SGCZ: variants seen among roughly 807,000 people sequenced by gnomAD.
SGCZ encodes zeta-sarcoglycan.
Under a neutral mutation model 41.3 loss-of-function variants are expected in SGCZ, and 40 were observed. The observed-to-expected ratio is 0.97, with a 90% confidence interval of 0.75 to 1.26. The LOEUF is 1.26. SGCZ is among the 50% of genes most tolerant of loss of function. The probability of loss-of-function intolerance (pLI) is 0.00; values close to 1 mark genes in which losing one functional copy is unlikely to be tolerated. For synonymous variants in SGCZ, 206 were observed against 137.5 expected (o/e 1.50, Z -3.49); for missense variants, 552 against 369.8 (o/e 1.49, Z -4.04).
At chr8:14,892,340 A>G (rs1013539718) in intron 1 of SGCZ, among the ~76,000 whole-genome samples, 4 of 152,162 alleles carry the variant, frequency 2.6e-5, no homozygotes, top group Admixed American at 6.6e-5. Flanking sequence ...CAAAAGCGTG[A>G]TGCTCATATG....
chr8:14,474,205 C>G (rs368754002), intron 2 of SGCZ, among the ~76,000 whole-genome samples: 6 of 152,282 alleles, frequency 3.9e-5, no homozygotes, highest in South Asian at 4.1e-4. Flanking sequence ...AACTGATGTA[C>G]TAAAGATACT....
At chr8:15,020,713 G>A (rs778508122) in intron 1 of SGCZ, among the ~76,000 whole-genome samples, 1 of 152,042 alleles carries the variant, frequency 6.6e-6, no homozygotes, top group Non-Finnish European at 1.5e-5. Flanking sequence ...TTGCATTATG[G>A]TCAGTACTTC....
Position 14,138,405 on chromosome 8 carries a change from G to C in SGCZ, c.547+26175C>G, listed in dbSNP as rs188813447. Among the ~76,000 whole-genome samples the C allele has an allele frequency of 2.0e-5, 3 of 152,012 alleles. No homozygotes were observed. The East Asian group carries it at 5.8e-4, about 29-fold the overall frequency. On this transcript the variant is annotated intron_variant, in intron 5 of 7. Coordinates refer to ENST00000382080, the MANE Select transcript of SGCZ (RefSeq NM_139167.4). ...CAAAGATTGTCAAACTGGATAAAGA[G>C]TCAAGACCCATCAGTGTGCTGTATT...
At chr8:14,325,583 T>C (rs1164825869) in intron 2 of SGCZ, among the ~76,000 whole-genome samples, 1 of 146,786 alleles carries the variant, frequency 6.8e-6, no homozygotes, top group Admixed American at 6.8e-5. Context: ...TAATAGATCA[T>C]ATATAATCAC....
At chr8:14,105,801 C>T (rs1443347722) in intron 6 of SGCZ, among the ~76,000 whole-genome samples, 1 of 151,906 alleles carries the variant, frequency 6.6e-6, no homozygotes, top group Admixed American at 6.6e-5. Context: ...AATATGTCAG[C>T]AAGATAATTA....
intron 3 of SGCZ, among the ~76,000 whole-genome samples, chr8:14,248,929 A>T (rs1799194865): frequency 6.6e-6 from 1 of 152,182 alleles, no homozygotes; most frequent in Non-Finnish European, 1.5e-5. Context: ...CTATAATTAC[A>T]AATAATAATG....
chr8:14,623,419 T>C (rs967907432), intron 1 of SGCZ, among the ~76,000 whole-genome samples: 6 of 152,188 alleles, frequency 3.9e-5, no homozygotes, highest in African/African-American at 1.4e-4. Flanking sequence ...CATCCCGCTG[T>C]TGAACACATA....
intron 1 of SGCZ, among the ~76,000 whole-genome samples, chr8:15,086,001 C>T (rs540906657): frequency 3.9e-5 from 6 of 152,238 alleles, no homozygotes; most frequent in South Asian, 2.1e-4. Flanking sequence ...ACATACTTTC[C>T]GTGTTATTTT....
intron 1 of SGCZ, among the ~76,000 whole-genome samples, chr8:14,904,786 T>A (rs2130766251): frequency 6.6e-6 from 1 of 152,140 alleles, no homozygotes; most frequent in Non-Finnish European, 1.5e-5. Context: ...TATTTTACAC[T>A]TTTTGCCAGT....
chr8:14,336,288 T>C (rs1802503125), intron 2 of SGCZ, among the ~76,000 whole-genome samples: 1 of 152,192 alleles, frequency 6.6e-6, no homozygotes, highest in Admixed American at 6.5e-5. Flanking sequence ...CCATAGTGTA[T>C]AGGTGCCACA....
At chr8:15,229,442 G>A (rs1801879100) in intron 1 of SGCZ, among the ~76,000 whole-genome samples, 1 of 152,140 alleles carries the variant, frequency 6.6e-6, no homozygotes, top group Non-Finnish European at 1.5e-5. Flanking sequence ...TGTTCCTAAG[G>A]TAAAGGGGAA....
At chr8:14,243,753 G>C (rs1798975779) in intron 3 of SGCZ, among the ~76,000 whole-genome samples, 1 of 152,110 alleles carries the variant, frequency 6.6e-6, no homozygotes, top group Non-Finnish European at 1.5e-5. Context: ...TCCAGTCCAA[G>C]TCTAAGTCCT....
intron 1 of SGCZ, among the ~76,000 whole-genome samples, chr8:14,621,435 A>C (rs1806282062): frequency 6.6e-6 from 1 of 152,156 alleles, no homozygotes; most frequent in Admixed American, 6.6e-5. Context: ...TTAAAGTATA[A>C]TAAAAAAATA....
At chr8:14,107,264 A>C (rs1183372452) in intron 6 of SGCZ, among the ~76,000 whole-genome samples, 1 of 151,832 alleles carries the variant, frequency 6.6e-6, no homozygotes, top group Non-Finnish European at 1.5e-5. Context: ...TCCACTGAGC[A>C]GTTTTGTATT....
Position 14,457,074 on chromosome 8 carries a change from AAATAT to A in SGCZ, c.234+97653_234+97657del, listed in dbSNP as rs554563001. 1.8e-3 allele frequency among the ~76,000 whole-genome samples: 273 copies of A among 152,356 alleles called. 1 individual carries two copies. Among genetic ancestry groups the A allele is most frequent in the African/African-American group, 6.0e-3 (249 of 41,582 alleles). On this transcript the variant is annotated intron_variant, in intron 2 of 7. Transcript: ENST00000382080. ...GAACACGAGCTGTTCCAGTATAATA[AAATAT>A]AAAACAAGAATAGTTATACCAGATA... is the stretch of plus-strand genomic sequence containing the variant.
intron 1 of SGCZ, among the ~76,000 whole-genome samples, chr8:14,831,592 G>A (rs1053165052): frequency 8.7e-6 from 1 of 114,416 alleles, no homozygotes; most frequent in Admixed American, 8.3e-5. Context: ...ATGTCTACAA[G>A]TGTGTTTGTG....
intron 1 of SGCZ, among the ~76,000 whole-genome samples, chr8:15,188,632 G>A (rs1049175554): frequency 1.3e-5 from 2 of 152,184 alleles, no homozygotes; most frequent in South Asian, 2.1e-4. Flanking sequence ...TTTAAAAAAC[G>A]GATAAGGATC....
chr8:15,015,293 G>A (rs1802983633), intron 1 of SGCZ, among the ~76,000 whole-genome samples: 3 of 151,880 alleles, frequency 2.0e-5, no homozygotes, highest in Admixed American at 2.0e-4. Flanking sequence ...TTTATAATTA[G>A]ACTTAGAAAT....
intron 1 of SGCZ, among the ~76,000 whole-genome samples, chr8:15,171,581 A>G (rs551225233): frequency 6.6e-6 from 1 of 152,326 alleles, no homozygotes; most frequent in African/African-American, 2.4e-5. Context: ...TAGAAATTCA[A>G]TTAAGTTCAG....
Sources: allele counts gnomAD v4.1 joint callset (sites outside exome capture counted in the v4.1 genomes callset), GRCh38; gene constraint gnomAD v4.1.1; transcripts MANE v1.5; gene names NCBI Gene and HGNC (gene_info 2026-07-23, HGNC 2026-07-21).